Variants in HHIP observed in about 807,000 individuals in gnomAD.
HHIP encodes hedgehog-interacting protein.
In HHIP, 12 loss-of-function variants were observed where a neutral mutation model predicts 74.0. The observed-to-expected ratio is 0.16, with a 90% CI of 0.10 to 0.26. HHIP has a LOEUF of 0.26. Among genes scored for constraint, HHIP ranks in the 10% least tolerant of loss-of-function variants. The pLI is 1.00. For missense variants in HHIP, 788 were observed against 845.0 expected (o/e 0.93, Z 0.84); for synonymous variants, 309 against 311.6 (o/e 0.99, Z 0.09).
intron 11 of HHIP, among the ~76,000 whole-genome samples, chr4:144,731,685 G>T (rs1393009924): frequency 6.6e-6 from 1 of 152,136 alleles, no homozygotes; most frequent in Non-Finnish European, 1.5e-5. Flanking sequence ...CTCCCAACAT[G>T]CTGGGATTAC....
intron 10 of HHIP, among the ~76,000 whole-genome samples, chr4:144,717,696 C>T (rs1319482529): frequency 6.6e-6 from 1 of 152,042 alleles, no homozygotes; most frequent in East Asian, 1.9e-4. Flanking sequence ...CAGCTAGCAT[C>T]AAGAGTTAGA....
At chr4:144,737,660 TCCCTCGC>T in intron 12 of HHIP, 97 bp from the exon 13 acceptor site, 4 of 990,272 alleles carry the variant, frequency 4.0e-6, no homozygotes, top group Admixed American at 3.1e-5. Flanking sequence ...CCTCCTTTTT[TCCCTCGC>T]TTCCCTTATT....
Position 144,718,949 on chromosome 4 carries a change from C to T in HHIP, c.1753C>T (p.Pro585Ser). 1.3e-6 allele frequency: 2 copies of T among 1,585,052 alleles called. No homozygotes were observed. The highest frequency in any genetic ancestry group is 1.7e-6 in the Non-Finnish European group (2 of 1,153,948). The change falls in exon 11 of 13, where the codon CCC becomes TCC. Residue 585 changes from proline to serine, a missense_variant. Transcript: ENST00000296575. ...TGGAAAACTCTACAAAATTGTAGAT[C>T]CCAAAAGGTGAGATTTCCTTTTATC... Reference protein sequence around the residue: ...HNGKLYKIVDPKRPLMPEECR... With the variant: ...HNGKLYKIVDSKRPLMPEECR...
chr4:144,686,435 G>A lies in HHIP; in HGVS notation c.832-20096G>A, dbSNP rs190698873. Among the ~76,000 whole-genome samples the A allele has an allele frequency of 1.1e-3, 174 of 152,220 alleles. 1 individual carries two copies. The highest frequency in any genetic ancestry group is 3.2e-3 in the Admixed American group (49 of 15,288). ...GGTTAAAATACAGTAGTTAGTTATC[G>A]ATGATCCTGAGTACTATTAAATCAG... On this transcript the variant is annotated intron_variant, in intron 4 of 12. Transcript: ENST00000296575.
chr4:144,696,144 A>G (rs1729811974), intron 4 of HHIP, among the ~76,000 whole-genome samples: 1 of 151,940 alleles, frequency 6.6e-6, no homozygotes, highest in African/African-American at 2.4e-5. Flanking sequence ...CTCATTAAGT[A>G]ATTTTACATT....
At chr4:144,694,773 TG>T (rs1729767893) in intron 4 of HHIP, among the ~76,000 whole-genome samples, 1 of 151,914 alleles carries the variant, frequency 6.6e-6, no homozygotes, top group Non-Finnish European at 1.5e-5. Context: ...TTTATATTCC[TG>T]GGTTTAATGT....
Position 144,716,721 on chromosome 4 carries a change from C to G in HHIP, c.1678+1291C>G, listed in dbSNP as rs372480016. 2.3e-3 allele frequency among the ~76,000 whole-genome samples: 354 copies of G among 151,738 alleles called. 3 individuals are homozygous for G. The highest frequency in any genetic ancestry group is 7.7e-3 in the African/African-American group (319 of 41,406). ...AAAATTAGCCGGGTATACTGGCAGG[C>G]CCCTGTAATCACAGTTACTTGGGAG... On this transcript the variant is annotated intron_variant, in intron 10 of 12. Transcript: ENST00000296575.
At chr4:144,687,080 A>G (rs112694223) in intron 4 of HHIP, among the ~76,000 whole-genome samples, 31 of 152,038 alleles carry the variant, frequency 2.0e-4, no homozygotes, top group African/African-American at 5.6e-4. Flanking sequence ...TTGTCATTCT[A>G]TGTAATTATT....
intron 4 of HHIP, among the ~76,000 whole-genome samples, chr4:144,692,075 A>G (rs1729688563): frequency 6.6e-6 from 1 of 152,176 alleles, no homozygotes; most frequent in Admixed American, 6.6e-5. Flanking sequence ...AGAGCTGATT[A>G]GTGAACAACT....
chr4:144,662,621 C>G (rs1578681780), intron 4 of HHIP, among the ~76,000 whole-genome samples: 1 of 152,136 alleles, frequency 6.6e-6, no homozygotes, highest in African/African-American at 2.4e-5. Context: ...ACAAGCTAAT[C>G]ACTATTACTG....
intron 4 of HHIP, among the ~76,000 whole-genome samples, chr4:144,704,674 A>G (rs1489340793): frequency 2.0e-5 from 3 of 152,238 alleles, no homozygotes; most frequent in East Asian, 3.8e-4. Flanking sequence ...ATGGTGGAAC[A>G]CAAACATTTG....
chr4:144,718,493 G>T (rs1730524327), intron 10 of HHIP, among the ~76,000 whole-genome samples: 1 of 152,194 alleles, frequency 6.6e-6, no homozygotes, highest in South Asian at 2.1e-4. Flanking sequence ...CTATTGCAGG[G>T]CATTGAAACA....
intron 4 of HHIP, among the ~76,000 whole-genome samples, chr4:144,676,594 T>C (rs1181576900): frequency 7.9e-5 from 12 of 152,206 alleles, no homozygotes; most frequent in African/African-American, 2.9e-4. Flanking sequence ...TAATGTGTTC[T>C]ATGCAATGAA....
At chr4:144,656,370 C>CCACCAAGTTTA (rs1728557497) in intron 2 of HHIP, among the ~76,000 whole-genome samples, 2 of 152,164 alleles carry the variant, frequency 1.3e-5, no homozygotes, top group Non-Finnish European at 2.9e-5. Flanking sequence ...CATTGTACCT[C>CCACCAAGTTTA]TGGAGCCACC....
intron 11 of HHIP, among the ~76,000 whole-genome samples, chr4:144,726,985 C>G (rs2126681209): frequency 1.3e-5 from 2 of 152,332 alleles, no homozygotes; most frequent in East Asian, 3.9e-4. Flanking sequence ...TCCAAGGTAC[C>G]AGCTTTTGTT....
At chr4:144,671,781 G>C (rs575805170) in intron 4 of HHIP, among the ~76,000 whole-genome samples, 7 of 152,118 alleles carry the variant, frequency 4.6e-5, no homozygotes, top group Admixed American at 1.3e-4. Flanking sequence ...TCAGGAGTTC[G>C]AGACCAGCCT....
intron 4 of HHIP, chr4:144,685,475 C>A (rs1446764209): frequency 6.6e-6 from 1 of 152,156 alleles, no homozygotes; most frequent in Non-Finnish European, 1.5e-5. Flanking sequence ...ATAATAGCAA[C>A]AAATGACCAA....
chr4:144,680,993 C>G (rs1050018817), intron 4 of HHIP, among the ~76,000 whole-genome samples: 1 of 152,092 alleles, frequency 6.6e-6, no homozygotes, highest in Non-Finnish European at 1.5e-5. Context: ...TATATTTTGA[C>G]TGACTAATAA....
Position 144,714,324 on chromosome 4 carries a change from G to C in HHIP, c.1523G>C (p.Ser508Thr). ...RGCQSERLYG[S>T]YVFGDRNGNF... ...TGCCAGTCAGAAAGATTGTATGGAA[G>C]CTACGTGTTTGGAGATCGTAATGGG... Residue 508 changes from serine (S) to threonine (T), a missense_variant, in exon 9 of 13, where the codon AGC (serine) becomes ACC (threonine). By Grantham distance (58) the Ser-to-Thr change is moderately conservative. Around this residue, in one of 3 missense-constraint regions of HHIP, gnomAD observed 343 missense variants for 347.9 expected, o/e 0.99. Transcript: ENST00000296575. 1 of 1,613,428 alleles carries C rather than the reference G, an allele frequency of 6.2e-7. No homozygotes were observed. Among genetic ancestry groups the C allele is most frequent in the Non-Finnish European group, 8.5e-7 (1 of 1,179,580 alleles).
Sources: gnomAD v4.1 joint callset for allele counts (sites outside exome capture counted in the v4.1 genomes callset) on GRCh38, gnomAD v4.1.1 for gene constraint, gnomAD v4.1.1 regional missense constraint, MANE v1.5 for transcripts, NCBI Gene and HGNC (gene_info 2026-07-23, HGNC 2026-07-21) for gene names.